Variants in SKAP2 observed in about 807,000 individuals in gnomAD.
SKAP2 encodes src kinase associated phosphoprotein 2.
A neutral mutation model predicts 54.9 loss-of-function variants in SKAP2; 28 were observed. That is an observed-to-expected ratio of 0.51 (90% CI 0.38 to 0.70). SKAP2 has a LOEUF of 0.70. Ranked by LOEUF, SKAP2 falls within the 30% of genes least tolerant of loss-of-function variation. The pLI is 0.00. For synonymous variants in SKAP2, 137 were observed against 134.3 expected, an observed-to-expected ratio of 1.02 and a Z score of -0.14; for missense variants, 356 against 424.1, an observed-to-expected ratio of 0.84 and a Z score of 1.41.
intron 4 of SKAP2, among the ~76,000 whole-genome samples, chr7:26,760,827 A>C (rs562721152): frequency 8.0e-4 from 121 of 152,200 alleles, no homozygotes; most frequent in Non-Finnish European, 1.5e-3. Flanking sequence ...AGGCCAAAGG[A>C]AGGCCAAAAA....
intron 9 of SKAP2, among the ~76,000 whole-genome samples, chr7:26,693,918 T>C (rs575887468): frequency 1.3e-5 from 2 of 152,218 alleles, no homozygotes; most frequent in Admixed American, 1.3e-4. Context: ...GAACCTTGAA[T>C]AGAACTTGGC....
At chr7:26,732,880 CCTGA>C (rs1219057499) in intron 6 of SKAP2, among the ~76,000 whole-genome samples, 3 of 152,128 alleles carry the variant, frequency 2.0e-5, no homozygotes, top group Admixed American at 6.6e-5. Flanking sequence ...TTGGTTTGTA[CCTGA>C]CTATTTCTGC....
intron 4 of SKAP2, among the ~76,000 whole-genome samples, chr7:26,784,746 T>C (rs1379625978): frequency 1.3e-5 from 2 of 152,224 alleles, no homozygotes; most frequent in Non-Finnish European, 2.9e-5. Context: ...TAACAAATTA[T>C]ACAGAAAAAT....
chr7:26,840,079 A>C (rs1193575204), intron 4 of SKAP2, among the ~76,000 whole-genome samples: 3 of 152,088 alleles, frequency 2.0e-5, no homozygotes, highest in Admixed American at 2.0e-4. Context: ...CCTAAAAAAA[A>C]ATTTCTTCAC....
intron 4 of SKAP2, among the ~76,000 whole-genome samples, chr7:26,796,145 G>A (rs570922714): frequency 1.3e-5 from 2 of 152,156 alleles, no homozygotes; most frequent in South Asian, 2.1e-4. Flanking sequence ...CCAAACTTAC[G>A]CACCACAGAT....
intron 4 of SKAP2, among the ~76,000 whole-genome samples, chr7:26,834,872 A>C (rs1784673477): frequency 6.6e-6 from 1 of 152,160 alleles, no homozygotes; most frequent in Non-Finnish European, 1.5e-5. Flanking sequence ...TGATACCAAA[A>C]CCTGGCAGGG....
chr7:26,709,852 A>G (rs777490620), intron 9 of SKAP2, among the ~76,000 whole-genome samples: 1 of 152,110 alleles, frequency 6.6e-6, no homozygotes, highest in Non-Finnish European at 1.5e-5. Context: ...ATAGTAGATG[A>G]TTTATCTTTA....
intron 10 of SKAP2, among the ~76,000 whole-genome samples, chr7:26,688,586 T>C (rs1786701191): frequency 6.6e-6 from 1 of 152,194 alleles, no homozygotes. Context: ...GTCACTTCTA[T>C]GCAAAAGCAT....
intron 4 of SKAP2, among the ~76,000 whole-genome samples, chr7:26,760,519 G>T (rs1005755901): frequency 6.6e-6 from 1 of 152,000 alleles, no homozygotes; most frequent in African/African-American, 2.4e-5. Context: ...ATACACCTAT[G>T]ATAAGGTCTG....
intron 4 of SKAP2, among the ~76,000 whole-genome samples, chr7:26,833,441 G>A (rs1408484625): frequency 6.6e-6 from 1 of 150,752 alleles, no homozygotes; most frequent in Non-Finnish European, 1.5e-5. Context: ...TGGATAAAGA[G>A]TCAACACCCA....
chr7:26,828,277 T>C (rs1301973912), intron 4 of SKAP2, among the ~76,000 whole-genome samples: 1 of 152,202 alleles, frequency 6.6e-6, no homozygotes, highest in Non-Finnish European at 1.5e-5. Flanking sequence ...ACATTTCAAA[T>C]CTGTGTATTA....
chr7:26,763,110 T>C (rs1782968546), intron 4 of SKAP2, among the ~76,000 whole-genome samples: 1 of 152,224 alleles, frequency 6.6e-6, no homozygotes, highest in Non-Finnish European at 1.5e-5. Flanking sequence ...CTCAGGTTTC[T>C]ATAAATATTT....
chr7:26,704,420 T>C (rs1024962354), intron 9 of SKAP2, among the ~76,000 whole-genome samples: 4 of 152,352 alleles, frequency 2.6e-5, no homozygotes, highest in Non-Finnish European at 4.4e-5. Context: ...AAGATAGCTA[T>C]AGTTTCTTAC....
chr7:26,718,930 G>A lies in SKAP2; in HGVS notation c.796+6498C>T, dbSNP rs565159018. Among the ~76,000 whole-genome samples the A allele has an allele frequency of 5.9e-5, 9 of 152,268 alleles. No homozygotes were observed. The South Asian group carries it at 1.9e-3, about 32-fold the overall frequency. ...GAAATGGCTCATGCCTGTAATCCCA[G>A]CACTTTGGGAGGATGAGGCAGAAGG... On this transcript the variant is annotated intron_variant, in intron 9 of 12. Coordinates refer to ENST00000345317, the MANE Select transcript of SKAP2 (RefSeq NM_003930.5).
At chr7:26,662,891 A>AT (rs1786039295), downstream of SKAP2, among the ~76,000 whole-genome samples, 1 of 152,098 alleles carries the variant, frequency 6.6e-6, no homozygotes, top group Non-Finnish European at 1.5e-5. Context: ...CTCATGCCTC[A>AT]TATGACTCCA....
At chr7:26,813,466 AC>A (rs1486466624) in intron 4 of SKAP2, among the ~76,000 whole-genome samples, 1 of 152,250 alleles carries the variant, frequency 6.6e-6, no homozygotes, top group Non-Finnish European at 1.5e-5. Context: ...CTGTCAATCA[AC>A]AATAAAGTAT....
intron 4 of SKAP2, among the ~76,000 whole-genome samples, chr7:26,797,020 G>T (rs1783795358): frequency 6.6e-6 from 1 of 152,206 alleles, no homozygotes; most frequent in Non-Finnish European, 1.5e-5. Context: ...GAGAAATCTG[G>T]AGGAGATAAA....
At chr7:26,695,057 T>C (rs1786867572) in intron 9 of SKAP2, among the ~76,000 whole-genome samples, 1 of 151,630 alleles carries the variant, frequency 6.6e-6, no homozygotes. Context: ...TAACACCAAC[T>C]CAAGGTATGC....
At chr7:26,749,210 A>C (rs1241327941) in intron 4 of SKAP2, among the ~76,000 whole-genome samples, 3 of 152,228 alleles carry the variant, frequency 2.0e-5, no homozygotes, top group Non-Finnish European at 4.4e-5. Flanking sequence ...ATTTGGCCAA[A>C]AACAAATCTG....
Sources: gnomAD v4.1 joint callset for allele counts (sites outside exome capture counted in the v4.1 genomes callset) on GRCh38, gnomAD v4.1.1 for gene constraint, MANE v1.5 for transcripts, NCBI Gene and HGNC (gene_info 2026-07-23, HGNC 2026-07-21) for gene names.